BRSK2: variants seen among roughly 807,000 people sequenced by gnomAD.
The protein encoded by BRSK2 is BR serine/threonine kinase 2.
BRSK2 carries 19 observed loss-of-function variants against 83.3 expected under a neutral mutation model. The ratio of observed to expected loss-of-function variants is 0.23; its 90% confidence interval spans 0.16 to 0.33. The LOEUF (loss-of-function observed/expected upper bound fraction) is 0.33. Among genes scored for constraint, BRSK2 ranks in the 10% least tolerant of loss-of-function variants. The probability of loss-of-function intolerance (pLI) is 1.00; values close to 1 mark genes in which losing one functional copy is unlikely to be tolerated. For missense variants in BRSK2, 798 were observed against 1,042.3 expected (o/e 0.77, Z 3.23); for synonymous variants, 519 against 435.4 (o/e 1.19, Z -2.39).
chr11:1,440,543 C>G (rs1851073222), intron 3 of BRSK2, among the ~76,000 whole-genome samples: 1 of 152,102 alleles, frequency 6.6e-6, no homozygotes, highest in Non-Finnish European at 1.5e-5. Flanking sequence ...ACCTGTCCCT[C>G]CACCCTCACC....
intron 1 of BRSK2, among the ~76,000 whole-genome samples, chr11:1,402,411 C>T (rs1846540533): frequency 1.3e-5 from 2 of 152,220 alleles, no homozygotes; most frequent in Admixed American, 1.3e-4. Flanking sequence ...AGAGGAGCTA[C>T]TGCCGCAAAC....
At chr11:1,447,153 G>A (rs183260842) in intron 12 of BRSK2, among the ~76,000 whole-genome samples, 7 of 152,224 alleles carry the variant, frequency 4.6e-5, no homozygotes, top group African/African-American at 1.2e-4. Flanking sequence ...CCCAGTCAGC[G>A]CAGCCCTGAC....
At chr11:1,401,472 C>G (rs1202080784) in intron 1 of BRSK2, among the ~76,000 whole-genome samples, 2 of 152,206 alleles carry the variant, frequency 1.3e-5, no homozygotes, top group Non-Finnish European at 2.9e-5. Context: ...CTCAGGAGCC[C>G]CTGGGACCAG....
At chr11:1,419,998 C>T (rs958806203) in intron 1 of BRSK2, among the ~76,000 whole-genome samples, 5 of 152,168 alleles carry the variant, frequency 3.3e-5, no homozygotes, top group Non-Finnish European at 7.4e-5. Flanking sequence ...GCGCCTCCTC[C>T]CACACCCGGG....
intron 1 of BRSK2, among the ~76,000 whole-genome samples, chr11:1,425,068 G>C (rs978560378): frequency 3.9e-5 from 6 of 152,226 alleles, no homozygotes; most frequent in African/African-American, 1.4e-4. Context: ...GTGGGGACTC[G>C]GACCCTGGTC....
At chr11:1,399,461 C>G (rs540322181) in intron 1 of BRSK2, among the ~76,000 whole-genome samples, 1 of 152,310 alleles carries the variant, frequency 6.6e-6, no homozygotes, top group South Asian at 2.1e-4. Context: ...ACTGTGTTGC[C>G]TTCCCCCAGC....
chr11:1,392,466 C>G (rs1169591123), intron 1 of BRSK2, among the ~76,000 whole-genome samples: 1 of 152,226 alleles, frequency 6.6e-6, no homozygotes, highest in Non-Finnish European at 1.5e-5. Flanking sequence ...CCTCTCTGTT[C>G]ATCTCTCTCA....
chr11:1,451,452 C>G (rs770079242), intron 15 of BRSK2, 33 bp downstream of exon 15: 26 of 1,608,568 alleles, frequency 1.6e-5, no homozygotes, highest in Non-Finnish European at 2.1e-5. Flanking sequence ...CTCCTGGTAC[C>G]TGACACCAGG....
chr11:1,434,493 CTG>C (rs1564836322), intron 1 of BRSK2, among the ~76,000 whole-genome samples: 1 of 137,950 alleles, frequency 7.2e-6, no homozygotes. Context: ...GTGGGGTCCC[CTG>C]TGATAACCTG....
chr11:1,453,489 G>C (rs553849549), intron 15 of BRSK2, among the ~76,000 whole-genome samples: 1 of 152,264 alleles, frequency 6.6e-6, no homozygotes. Context: ...GCTGGGGTAA[G>C]GTCAGGGCCA....
Position 1,445,649 on chromosome 11 carries a change from GC to G in BRSK2, c.1063del (p.Arg355GlyfsTer4). 6.3e-7 allele frequency: 1 copy of G among 1,593,440 alleles called. No individual in the cohort carries two copies. Among genetic ancestry groups the G allele is most frequent in the Non-Finnish European group, 8.5e-7 (1 of 1,170,392 alleles). The part of the protein sequence containing the change: ...RYPSQEDEDL[P>X]PRNEIDPPRK... ...ACCCGAGCCAGGAGGATGAGGACCT[GC>G]CCCCCCGGAACGAGATAGGTATGGG... On this transcript the variant is annotated frameshift_variant, in exon 11 of 20. Transcript: ENST00000528841. LOFTEE classifies it high-confidence loss of function.
intron 1 of BRSK2, among the ~76,000 whole-genome samples, chr11:1,399,137 G>T (rs1237208158): frequency 6.6e-6 from 1 of 152,208 alleles, no homozygotes; most frequent in Non-Finnish European, 1.5e-5. Context: ...CAGAGCCGTT[G>T]TGACTGGGGG....
chr11:1,459,014 C>T (rs1002155032), intron 18 of BRSK2, among the ~76,000 whole-genome samples, 178 bp from the exon 19 acceptor site: 1 of 152,148 alleles, frequency 6.6e-6, no homozygotes, highest in African/African-American at 2.4e-5. Flanking sequence ...CCTGCACTGC[C>T]CCTTATAAGC....
At chr11:1,443,666 A>C in intron 8 of BRSK2, 31 bp downstream of exon 8, 9 of 1,451,146 alleles carry the variant, frequency 6.2e-6, no homozygotes, top group Non-Finnish European at 8.1e-6. Flanking sequence ...GCGGCCCCAG[A>C]GCGTGGCGGG....
chr11:1,392,852 T>A (rs1442933072), intron 1 of BRSK2, among the ~76,000 whole-genome samples: 1 of 152,138 alleles, frequency 6.6e-6, no homozygotes, highest in Non-Finnish European at 1.5e-5. Flanking sequence ...GGGTCGTCCT[T>A]CTGCATGGGG....
chr11:1,410,684 C>A, intron 1 of BRSK2: 1 of 985,432 alleles, frequency 1.0e-6, no homozygotes, highest in Non-Finnish European at 1.2e-6. Context: ...CACTGCCTGA[C>A]GCCCACCCTC....
chr11:1,448,665 G>A (rs924177724), intron 12 of BRSK2, among the ~76,000 whole-genome samples: 4 of 152,218 alleles, frequency 2.6e-5, no homozygotes, highest in East Asian at 1.9e-4. Context: ...AGGGCTGTCC[G>A]CGCTCCCAGC....
chr11:1,457,051 T>C, intron 18 of BRSK2: 1 of 1,577,312 alleles, frequency 6.3e-7, no homozygotes, highest in Non-Finnish European at 8.5e-7. Flanking sequence ...CGCTGGCAGG[T>C]AAGGCGCCCG....
chr11:1,440,391 A>T (rs566989590), intron 3 of BRSK2, among the ~76,000 whole-genome samples: 1 of 152,036 alleles, frequency 6.6e-6, no homozygotes, highest in African/African-American at 2.4e-5. Context: ...GCCACTGAGG[A>T]CCACAGGGTG....
Sources: allele counts gnomAD v4.1 joint callset (sites outside exome capture counted in the v4.1 genomes callset), GRCh38; gene constraint gnomAD v4.1.1; transcripts MANE v1.5; gene names NCBI Gene and HGNC (gene_info 2026-07-23, HGNC 2026-07-21).